Variants in OSBPL10 observed in about 807,000 individuals in gnomAD.
OSBPL10 encodes oxysterol binding protein like 10, also known as oxysterol-binding protein-related protein 10.
Under a neutral mutation model 81.7 loss-of-function variants are expected in OSBPL10, and 49 were observed. The ratio of observed to expected loss-of-function variants is 0.60; its 90% confidence interval spans 0.48 to 0.76. OSBPL10 has a LOEUF of 0.76. Among genes scored for constraint, OSBPL10 ranks in the 30% least tolerant of loss-of-function variants. The pLI is 0.00. For missense variants in OSBPL10, 923 were observed against 987.8 expected (o/e 0.93, Z 0.88); for synonymous variants, 419 against 383.6 (o/e 1.09, Z -1.08).
intron 3 of OSBPL10, among the ~76,000 whole-genome samples, chr3:31,832,797 G>A (rs1559484294): frequency 6.6e-6 from 1 of 152,122 alleles, no homozygotes; most frequent in African/African-American, 2.4e-5. Flanking sequence ...GACAGGCAAG[G>A]CAGCACACTA....
At chr3:31,685,999 G>A (rs116386256) in intron 7 of OSBPL10, among the ~76,000 whole-genome samples, 2,919 of 152,242 alleles carry the variant, frequency 0.019, 93 homozygotes, top group African/African-American at 0.066. Context: ...CTTCAGGAGC[G>A]AGTTCTCACT....
chr3:31,998,039 C>T (rs901714053), intron 2 of OSBPL10, among the ~76,000 whole-genome samples: 2 of 152,070 alleles, frequency 1.3e-5, no homozygotes, highest in Admixed American at 6.6e-5. Flanking sequence ...GCAGTCCTCC[C>T]GCCTCGGCCT....
At chr3:32,011,987 G>A (rs189601343) in intron 2 of OSBPL10, among the ~76,000 whole-genome samples, 29 of 152,314 alleles carry the variant, frequency 1.9e-4, no homozygotes, top group African/African-American at 6.5e-4. Context: ...TGAAAGTGAC[G>A]GGGAGAATGC....
chr3:32,003,641 T>C (rs1182671159), intron 2 of OSBPL10, among the ~76,000 whole-genome samples: 1 of 152,190 alleles, frequency 6.6e-6, no homozygotes, highest in Non-Finnish European at 1.5e-5. Context: ...AACAGGATAA[T>C]CCTCTTTCTC....
intron 7 of OSBPL10, among the ~76,000 whole-genome samples, chr3:31,685,268 T>C (rs1700762405): frequency 6.6e-6 from 1 of 152,170 alleles, no homozygotes; most frequent in African/African-American, 2.4e-5. Context: ...GGTGGCACAA[T>C]CTCAGCTCAC....
intron 1 of OSBPL10, among the ~76,000 whole-genome samples, chr3:32,058,659 C>T (rs1294329459): frequency 1.3e-5 from 2 of 151,862 alleles, no homozygotes; most frequent in Non-Finnish European, 2.9e-5. Context: ...ATGATGCATG[C>T]TTATGAATTG....
At chr3:31,868,037 T>A (rs964187846) in intron 3 of OSBPL10, among the ~76,000 whole-genome samples, 1 of 151,512 alleles carries the variant, frequency 6.6e-6, no homozygotes, top group Non-Finnish European at 1.5e-5. Flanking sequence ...GTGTACAAGT[T>A]CCGTGCATAT....
intron 2 of OSBPL10, chr3:31,990,508 A>G (rs1699014302): frequency 6.2e-7 from 1 of 1,606,762 alleles, no homozygotes; most frequent in African/African-American, 1.3e-5. Context: ...GGCAATTCAT[A>G]CTGGAGAGAA....
At chr3:31,745,676 G>C in intron 5 of OSBPL10, among the ~76,000 whole-genome samples, 1 of 152,088 alleles carries the variant, frequency 6.6e-6, no homozygotes. Context: ...CACTTAGCTG[G>C]GTGGTCTTGG....
chr3:32,053,018 G>A (rs962807837), intron 1 of OSBPL10, among the ~76,000 whole-genome samples: 1 of 152,146 alleles, frequency 6.6e-6, no homozygotes, highest in African/African-American at 2.4e-5. Flanking sequence ...TAGATTCTAG[G>A]TAAGGCCTGG....
At chr3:31,871,885 C>T (rs1475740871) in intron 3 of OSBPL10, among the ~76,000 whole-genome samples, 3 of 152,232 alleles carry the variant, frequency 2.0e-5, no homozygotes, top group South Asian at 2.1e-4. Context: ...CACATGCACA[C>T]GCACACACAT....
intron 1 of OSBPL10, among the ~76,000 whole-genome samples, chr3:31,956,650 C>T (rs904020197): frequency 1.6e-4 from 24 of 152,076 alleles, no homozygotes; most frequent in African/African-American, 5.8e-4. Context: ...ATCACCTGAA[C>T]CTGGGAGGTG....
chr3:31,904,792 C>G (rs1243910534), intron 1 of OSBPL10, among the ~76,000 whole-genome samples: 1 of 152,158 alleles, frequency 6.6e-6, no homozygotes, highest in East Asian at 1.9e-4. Context: ...TGGGTCTGAA[C>G]CTGTCAAAAT....
chr3:32,071,880 G>C (rs4955235), intron 1 of OSBPL10, among the ~76,000 whole-genome samples: 128,332 of 151,832 alleles, frequency 0.85, 55,439 homozygotes, highest in East Asian at 1. Flanking sequence ...GGCATTCACT[G>C]CATTTCCCCA....
chr3:31,947,849 G>A (rs1048716343), intron 1 of OSBPL10, among the ~76,000 whole-genome samples: 1 of 151,198 alleles, frequency 6.6e-6, no homozygotes, highest in African/African-American at 2.5e-5. Context: ...CGGAGAAACT[G>A]GAAGAAGGTG....
intron 9 of OSBPL10, 63 bp downstream of exon 9, chr3:31,670,734 G>C: frequency 6.7e-7 from 1 of 1,487,608 alleles, no homozygotes; most frequent in Non-Finnish European, 9.2e-7. Flanking sequence ...GTCTTCTAAT[G>C]GTGAAAGGAA....
At chr3:31,848,165 T>TG (rs1265560303) in intron 3 of OSBPL10, among the ~76,000 whole-genome samples, 1 of 152,108 alleles carries the variant, frequency 6.6e-6, no homozygotes, top group Non-Finnish European at 1.5e-5. Flanking sequence ...GTTGTTCCTT[T>TG]GGTTCTGGGC....
intron 1 of OSBPL10, among the ~76,000 whole-genome samples, chr3:31,894,326 G>C (rs903638346): frequency 6.6e-6 from 1 of 152,148 alleles, no homozygotes; most frequent in Non-Finnish European, 1.5e-5. Context: ...AGGAAGGAAC[G>C]GGCCTGGGAC....
intron 4 of OSBPL10, among the ~76,000 whole-genome samples, chr3:31,785,363 G>A (rs1698835264): frequency 6.6e-6 from 1 of 152,186 alleles, no homozygotes; most frequent in Non-Finnish European, 1.5e-5. Context: ...AGAGTATACA[G>A]CACATGGTAG....
Sources: gnomAD v4.1 joint callset for allele counts (sites outside exome capture counted in the v4.1 genomes callset) on GRCh38, gnomAD v4.1.1 for gene constraint, MANE v1.5 for transcripts, NCBI Gene and HGNC (gene_info 2026-07-23, HGNC 2026-07-21) for gene names.